Variants in SOX5 observed in about 807,000 individuals in gnomAD.
SOX5 encodes the protein transcription factor SOX-5.
Under a neutral mutation model 92.0 loss-of-function variants are expected in SOX5, and 9 were observed. The observed-to-expected ratio is 0.10, with a 90% CI of 0.06 to 0.17. SOX5 has a LOEUF of 0.17. Among genes scored for constraint, SOX5 ranks in the 10% least tolerant of loss-of-function variants. The pLI, the probability that SOX5 is intolerant of heterozygous loss-of-function variation, is 1.00. For synonymous variants in SOX5, 344 were observed against 336.3 expected (o/e 1.02, Z -0.25); for missense variants, 642 against 944.5 (o/e 0.68, Z 4.20).
At chr12:23,780,114 C>T (rs1567700380) in intron 3 of SOX5, among the ~76,000 whole-genome samples, 1 of 151,550 alleles carries the variant, frequency 6.6e-6, no homozygotes, top group African/African-American at 2.4e-5. Flanking sequence ...TTGATATTGT[C>T]ATTTTAGGAT....
At chr12:23,733,774 T>C (rs1158405088) in intron 6 of SOX5, among the ~76,000 whole-genome samples, 1 of 152,192 alleles carries the variant, frequency 6.6e-6, no homozygotes, top group Non-Finnish European at 1.5e-5. Context: ...GATCTCAAGA[T>C]ATAACTTCAA....
At chr12:24,469,612 C>T (rs1358732625) in intron 1 of SOX5, among the ~76,000 whole-genome samples, 1 of 152,070 alleles carries the variant, frequency 6.6e-6, no homozygotes, top group Admixed American at 6.6e-5. Context: ...ATTATGATAA[C>T]GTTAAAACAA....
At chr12:24,370,400 C>A (rs1956605118) in intron 1 of SOX5, among the ~76,000 whole-genome samples, 1 of 142,188 alleles carries the variant, frequency 7.0e-6, no homozygotes, top group African/African-American at 2.6e-5. Context: ...TGGTGTGAAC[C>A]CAGGGGGCGG....
At chr12:24,030,316 C>A (rs959515768) in intron 4 of SOX5, among the ~76,000 whole-genome samples, 1 of 151,742 alleles carries the variant, frequency 6.6e-6, no homozygotes, top group African/African-American at 2.4e-5. Context: ...TTATAGTAAT[C>A]AAAATAGCAT....
At position 24,119,026 on chromosome 12, in the gene SOX5, T is replaced by TA. The variant is rs1333576549; in HGVS notation, c.-2+94316dup. Among the ~76,000 whole-genome samples, 23 of 151,072 alleles carry TA rather than the reference T, an allele frequency of 1.5e-4. No individual in the cohort carries two copies. The East Asian group carries it at 4.0e-3, about 27-fold the overall frequency. On this transcript the variant is annotated intron_variant, in intron 4 of 4. Transcript: ENST00000446891. Reference sequence around the variant, plus strand: ...ACTATTTTGGGTCTGTTTCCTCATGTAAAAAATGAGGAATATTTTTTTTAA... The same window carrying TA: ...ACTATTTTGGGTCTGTTTCCTCATGTAAAAAAATGAGGAATATTTTTTTTAA...
intron 9 of SOX5, among the ~76,000 whole-genome samples, chr12:23,602,349 A>T (rs1199246481): frequency 6.6e-6 from 1 of 152,170 alleles, no homozygotes; most frequent in Non-Finnish European, 1.5e-5. Context: ...ACCTTCAGTT[A>T]CTTTAGCATT....
chr12:23,965,236 A>T (rs1947413728), intron 4 of SOX5, among the ~76,000 whole-genome samples: 1 of 152,224 alleles, frequency 6.6e-6, no homozygotes, highest in South Asian at 2.1e-4. Flanking sequence ...TGTCCGGAAC[A>T]GGTGGTCAAG....
At chr12:24,199,530 CA>C (rs1209729418) in intron 4 of SOX5, among the ~76,000 whole-genome samples, 1 of 152,140 alleles carries the variant, frequency 6.6e-6, no homozygotes, top group African/African-American at 2.4e-5. Flanking sequence ...TTTGGTAAAT[CA>C]GGGGGAGAAG....
chr12:24,301,513 A>G (rs1947945215), intron 2 of SOX5, among the ~76,000 whole-genome samples: 1 of 152,244 alleles, frequency 6.6e-6, no homozygotes, highest in African/African-American at 2.4e-5. Context: ...TTCAAATAAA[A>G]GAGCAGGCGC....
chr12:24,105,360 G>A (rs1330627723), intron 4 of SOX5, among the ~76,000 whole-genome samples: 1 of 152,136 alleles, frequency 6.6e-6, no homozygotes, highest in Admixed American at 6.5e-5. Context: ...GGCCAACATG[G>A]TGAAACCCTG....
chr12:24,331,873 A>AT (rs1555233616), intron 2 of SOX5, among the ~76,000 whole-genome samples: 19 of 141,200 alleles, frequency 1.3e-4, no homozygotes, highest in Non-Finnish European at 2.9e-4. Flanking sequence ...AAAAAAAAAA[A>AT]AAGGAAAGAA....
At chr12:23,599,906 G>A (rs191208736) in intron 9 of SOX5, among the ~76,000 whole-genome samples, 1 of 152,062 alleles carries the variant, frequency 6.6e-6, no homozygotes, top group East Asian at 1.9e-4. Context: ...CTATAACAAA[G>A]CAAAGGTCAT....
At chr12:24,204,250 T>C (rs1028708385) in intron 4 of SOX5, among the ~76,000 whole-genome samples, 25 of 151,986 alleles carry the variant, frequency 1.6e-4, no homozygotes, top group African/African-American at 5.1e-4. Flanking sequence ...GTTTTTAATA[T>C]GTTACAATTA....
At chr12:24,454,542 C>T (rs1263315292) in intron 1 of SOX5, among the ~76,000 whole-genome samples, 1 of 152,166 alleles carries the variant, frequency 6.6e-6, no homozygotes, top group Non-Finnish European at 1.5e-5. Context: ...GTAACAGATG[C>T]ACAAGTATTT....
intron 1 of SOX5, among the ~76,000 whole-genome samples, chr12:24,428,823 G>A (rs1967087076): frequency 1.4e-5 from 2 of 140,916 alleles, no homozygotes; most frequent in Admixed American, 7.4e-5. Flanking sequence ...CAACGATTTT[G>A]CAACTTCAAG....
At chr12:23,937,660 G>A (rs1942872852) in intron 1 of SOX5, among the ~76,000 whole-genome samples, 1 of 150,748 alleles carries the variant, frequency 6.6e-6, no homozygotes, top group Non-Finnish European at 1.5e-5. Context: ...GTGTTGTCTG[G>A]TATTATTTAA....
chr12:24,187,089 T>C (rs1176865181), intron 4 of SOX5, among the ~76,000 whole-genome samples: 2 of 152,200 alleles, frequency 1.3e-5, no homozygotes, highest in Non-Finnish European at 1.5e-5. Flanking sequence ...GCCACTGAGA[T>C]AGGTAAACCA....
intron 6 of SOX5, among the ~76,000 whole-genome samples, chr12:23,718,405 A>AT (rs975048736): frequency 6.6e-6 from 1 of 152,216 alleles, no homozygotes; most frequent in Non-Finnish European, 1.5e-5. Context: ...TCCTATCTTA[A>AT]TCTTTGCATA....
At chr12:24,155,420 C>T (rs181939820) in intron 4 of SOX5, among the ~76,000 whole-genome samples, 4 of 152,040 alleles carry the variant, frequency 2.6e-5, no homozygotes, top group East Asian at 1.9e-4. Flanking sequence ...ATTTTTTTGA[C>T]ATTGTTTCCA....
Sources: gnomAD v4.1 joint callset for allele counts (sites outside exome capture counted in the v4.1 genomes callset) on GRCh38, gnomAD v4.1.1 for gene constraint, MANE v1.5 for transcripts, NCBI Gene and HGNC (gene_info 2026-07-23, HGNC 2026-07-21) for gene names.